The following SUGCT variants were observed in gnomAD, a reference collection of about 807,000 sequenced individuals.
SUGCT encodes succinyl-CoA:glutarate-CoA transferase.
SUGCT carries 41 observed loss-of-function variants against 55.0 expected under a neutral mutation model. The observed-to-expected ratio is 0.74, with a 90% CI of 0.58 to 0.97. The LOEUF (loss-of-function observed/expected upper bound fraction) is 0.97, where lower values mean the gene tolerates loss of function less well. SUGCT is among the 50% of genes least tolerant of loss of function. The probability of loss-of-function intolerance (pLI) is 0.00; values close to 1 mark genes in which losing one functional copy is unlikely to be tolerated. For synonymous variants in SUGCT, 187 were observed against 200.4 expected (o/e 0.93, Z 0.56); for missense variants, 568 against 547.8 (o/e 1.04, Z -0.37).
At chr7:40,466,855 A>G in intron 11 of SUGCT, among the ~76,000 whole-genome samples, 1 of 152,334 alleles carries the variant, frequency 6.6e-6, no homozygotes, top group East Asian at 1.9e-4. Context: ...CTTGAGCTTC[A>G]GGTTCTCATA....
intron 13 of SUGCT, among the ~76,000 whole-genome samples, chr7:40,801,439 A>G (rs1398313645): frequency 1.3e-5 from 2 of 152,198 alleles, no homozygotes; most frequent in Non-Finnish European, 2.9e-5. Flanking sequence ...AGAAAATGTT[A>G]CCCTAACATC....
chr7:40,145,494 A>C (rs918140424), intron 1 of SUGCT, among the ~76,000 whole-genome samples: 1 of 152,040 alleles, frequency 6.6e-6, no homozygotes, highest in African/African-American at 2.4e-5. Flanking sequence ...GTTTTTACAT[A>C]AATTCTCCTC....
chr7:40,361,238 C>T (rs573849988), intron 9 of SUGCT, among the ~76,000 whole-genome samples: 7 of 152,174 alleles, frequency 4.6e-5, no homozygotes, highest in Admixed American at 3.9e-4. Context: ...CTAATCTGCT[C>T]TTTAGGATAC....
intron 9 of SUGCT, among the ~76,000 whole-genome samples, chr7:40,367,182 G>A (rs1443473643): frequency 2.7e-5 from 4 of 146,212 alleles, no homozygotes; most frequent in East Asian, 2.1e-4. Flanking sequence ...ACCAAACATC[G>A]TATGTTCTCA....
At chr7:40,585,684 T>G (rs1290838457) in intron 12 of SUGCT, among the ~76,000 whole-genome samples, 4 of 152,124 alleles carry the variant, frequency 2.6e-5, no homozygotes, top group African/African-American at 9.7e-5. Flanking sequence ...CTAAACTTTT[T>G]TGTTTTGTTT....
At chr7:40,265,233 T>C (rs1355158654) in intron 7 of SUGCT, among the ~76,000 whole-genome samples, 1 of 152,206 alleles carries the variant, frequency 6.6e-6, no homozygotes, top group African/African-American at 2.4e-5. Context: ...GATTTTTTAT[T>C]TTAGAAATGA....
At chr7:40,742,600 G>GCTAGA (rs1337206643) in intron 12 of SUGCT, among the ~76,000 whole-genome samples, 1 of 152,100 alleles carries the variant, frequency 6.6e-6, no homozygotes, top group Non-Finnish European at 1.5e-5. Context: ...CTCACCTCCT[G>GCTAGA]CTGTTCAGGT....
At chr7:40,246,599 CTT>C (rs113716606) in intron 7 of SUGCT, among the ~76,000 whole-genome samples, 67 of 137,304 alleles carry the variant, frequency 4.9e-4, no homozygotes, top group Admixed American at 9.5e-4. Flanking sequence ...TGAAGGCTTG[CTT>C]TTTTTTTTTT....
At chr7:40,691,725 G>A (rs1380931133) in intron 12 of SUGCT, among the ~76,000 whole-genome samples, 1 of 152,072 alleles carries the variant, frequency 6.6e-6, no homozygotes, top group Non-Finnish European at 1.5e-5. Context: ...TTCTTTCTTA[G>A]AGTCTGCTTG....
rs1187706609 is a variant in SUGCT, at chr7:40,811,280, G to GT, written c.1154-49030dup. ...TTGGTTCCATATGAACTTTAGAATAGTTTTTTCTTCTCTTCTGTGAAAAAT... is the reference window on the plus strand; with the variant it reads ...TTGGTTCCATATGAACTTTAGAATAGTTTTTTTCTTCTCTTCTGTGAAAAAT... On this transcript the variant is annotated intron_variant, in intron 13 of 13. Transcript: ENST00000335693. Among the ~76,000 whole-genome samples the GT allele has an allele frequency of 2.0e-5, 3 of 152,038 alleles. No homozygotes were observed. The East Asian group carries it at 5.8e-4, about 29-fold the overall frequency.
chr7:40,442,428 A>G (rs1788564699), intron 9 of SUGCT, among the ~76,000 whole-genome samples: 1 of 152,210 alleles, frequency 6.6e-6, no homozygotes, highest in South Asian at 2.1e-4. Context: ...AAGAAACTAG[A>G]AAGAAGAATG....
At chr7:40,689,440 G>T (rs1784596280) in intron 12 of SUGCT, among the ~76,000 whole-genome samples, 1 of 152,156 alleles carries the variant, frequency 6.6e-6, no homozygotes. Flanking sequence ...CTTTCAAGAG[G>T]ATTATCGTGG....
intron 9 of SUGCT, among the ~76,000 whole-genome samples, chr7:40,370,518 G>A (rs917322702): frequency 1.3e-5 from 2 of 151,754 alleles, no homozygotes; most frequent in South Asian, 4.2e-4. Flanking sequence ...ATCCTCACTT[G>A]CAGAGATTCT....
At chr7:40,318,547 C>T (rs1446749564) in intron 9 of SUGCT, among the ~76,000 whole-genome samples, 2 of 152,242 alleles carry the variant, frequency 1.3e-5, no homozygotes, top group Non-Finnish European at 2.9e-5. Context: ...AGCGGTTCTT[C>T]TGCCTCCACC....
chr7:40,833,768 G>T (rs997502531), intron 13 of SUGCT, among the ~76,000 whole-genome samples: 5 of 150,328 alleles, frequency 3.3e-5, no homozygotes, highest in African/African-American at 1.2e-4. Flanking sequence ...CTGGACAGTG[G>T]TGAAGGCAGC....
At chr7:40,274,261 C>T (rs546657246) in intron 7 of SUGCT, among the ~76,000 whole-genome samples, 3 of 151,738 alleles carry the variant, frequency 2.0e-5, no homozygotes, top group African/African-American at 7.2e-5. Context: ...TCTAAAAAAT[C>T]TTTTATTTTT....
At chr7:40,847,738 A>G (rs1793644727) in intron 13 of SUGCT, among the ~76,000 whole-genome samples, 1 of 151,868 alleles carries the variant, frequency 6.6e-6, no homozygotes, top group Non-Finnish European at 1.5e-5. Flanking sequence ...TTCACAATTC[A>G]TTGGGCTCAC....
At chr7:40,374,087 A>G (rs1214266324) in intron 9 of SUGCT, among the ~76,000 whole-genome samples, 3 of 152,178 alleles carry the variant, frequency 2.0e-5, no homozygotes, top group Admixed American at 6.5e-5. Flanking sequence ...GAGATGCACA[A>G]TACTAACTGT....
intron 6 of SUGCT, among the ~76,000 whole-genome samples, chr7:40,200,257 G>C (rs1420841865): frequency 6.6e-6 from 1 of 152,076 alleles, no homozygotes; most frequent in Non-Finnish European, 1.5e-5. Flanking sequence ...CATTGTCCTT[G>C]CATTTTTAAG....
Sources: allele counts gnomAD v4.1 joint callset (sites outside exome capture counted in the v4.1 genomes callset), GRCh38; gene constraint gnomAD v4.1.1; transcripts MANE v1.5; gene names NCBI Gene and HGNC (gene_info 2026-07-23, HGNC 2026-07-21).